The following CALN1 variants were observed in gnomAD, a reference collection of about 807,000 sequenced individuals.
The protein encoded by CALN1 is calcium-binding protein 8.
CALN1 carries 17 observed loss-of-function variants against 30.6 expected under a neutral mutation model. That is an observed-to-expected ratio of 0.56 (90% CI 0.38 to 0.83). CALN1 has a LOEUF of 0.83. Ranked by LOEUF, CALN1 falls within the 40% of genes least tolerant of loss-of-function variation. The pLI is 0.00. For missense variants in CALN1, 291 were observed against 354.9 expected (o/e 0.82, Z 1.45); for synonymous variants, 156 against 131.4 (o/e 1.19, Z -1.28).
intron 5 of CALN1, among the ~76,000 whole-genome samples, chr7:71,892,886 T>C (rs1793325200): frequency 6.6e-6 from 1 of 152,106 alleles, no homozygotes; most frequent in South Asian, 2.1e-4. Context: ...GAGAACCACG[T>C]CATTTTTTTT....
chr7:71,873,873 C>T (rs1562861670), intron 5 of CALN1, among the ~76,000 whole-genome samples: 2 of 152,214 alleles, frequency 1.3e-5, no homozygotes, highest in Non-Finnish European at 2.9e-5. Context: ...CTGTTGCAAA[C>T]CAAATGAGGA....
chr7:71,875,023 A>C (rs1792158743), intron 5 of CALN1, among the ~76,000 whole-genome samples: 5 of 151,850 alleles, frequency 3.3e-5, no homozygotes, highest in Admixed American at 3.3e-4. Context: ...AAATTAGCTG[A>C]GTGTGGGGGT....
the CALN1 span, among the ~76,000 whole-genome samples, chr7:72,492,417 T>A: frequency 6.6e-6 from 1 of 152,226 alleles, no homozygotes; most frequent in Non-Finnish European, 1.5e-5. Flanking sequence ...TTTTGTTTTG[T>A]CCCACATTGC....
intron 2 of CALN1, among the ~76,000 whole-genome samples, chr7:72,373,610 A>G (rs1160416161): frequency 6.6e-6 from 1 of 152,326 alleles, no homozygotes; most frequent in African/African-American, 2.4e-5. Flanking sequence ...TTTTCTGAAG[A>G]TATTTTAGGT....
At chr7:72,268,716 C>T (rs1259475326) in intron 3 of CALN1, among the ~76,000 whole-genome samples, 5 of 151,586 alleles carry the variant, frequency 3.3e-5, no homozygotes, top group Non-Finnish European at 5.9e-5. Context: ...AGAATCACTT[C>T]AGCCCAGAAG....
chr7:71,856,672 T>A (rs527290382), intron 5 of CALN1, among the ~76,000 whole-genome samples: 2 of 152,268 alleles, frequency 1.3e-5, no homozygotes, highest in South Asian at 4.1e-4. Flanking sequence ...AAATAATAAC[T>A]GGCCGGGTGT....
chr7:72,487,734 AAAGG>A, the CALN1 span, among the ~76,000 whole-genome samples: 1,072 of 56,610 alleles, frequency 0.019, 41 homozygotes, highest in Middle Eastern at 0.035. Flanking sequence ...AGAAAGAAAG[AAAGG>A]AAGGAAGGAA....
At chr7:72,312,556 AC>A (rs1322668741) in intron 2 of CALN1, among the ~76,000 whole-genome samples, 13 of 152,130 alleles carry the variant, frequency 8.5e-5, no homozygotes, top group African/African-American at 3.1e-4. Flanking sequence ...AGCCATGTAT[AC>A]CTAGAGATCC....
the CALN1 span, among the ~76,000 whole-genome samples, chr7:72,457,650 G>C: frequency 1.8e-4 from 28 of 151,912 alleles, no homozygotes; most frequent in Non-Finnish European, 2.9e-4. Flanking sequence ...CTATTTCCCT[G>C]AAACAGTCAC....
intron 5 of CALN1, among the ~76,000 whole-genome samples, chr7:72,012,685 G>A (rs978476990): frequency 1.3e-5 from 2 of 152,208 alleles, no homozygotes; most frequent in African/African-American, 4.8e-5. Flanking sequence ...AGCCTCTGCA[G>A]CAGAGGGTCA....
chr7:72,100,249 C>G (rs1339564261), intron 4 of CALN1, among the ~76,000 whole-genome samples: 1 of 151,866 alleles, frequency 6.6e-6, no homozygotes, highest in East Asian at 1.9e-4. Context: ...GTCTTGAACT[C>G]CTAAGCTCCA....
chr7:71,969,728 A>G (rs1797703152), intron 5 of CALN1, among the ~76,000 whole-genome samples: 1 of 152,170 alleles, frequency 6.6e-6, no homozygotes, highest in Non-Finnish European at 1.5e-5. Flanking sequence ...GCTTTCTTTA[A>G]ATATTTTATG....
intron 5 of CALN1, among the ~76,000 whole-genome samples, chr7:71,994,164 T>A (rs1017720875): frequency 4.6e-5 from 7 of 152,148 alleles, no homozygotes; most frequent in African/African-American, 1.7e-4. Context: ...ACAATTCAGA[T>A]GTAAGAAATT....
intron 2 of CALN1, among the ~76,000 whole-genome samples, chr7:72,369,359 T>TTGTTGTTGTTGTTG (rs1554390884): frequency 5.5e-5 from 8 of 146,714 alleles, no homozygotes; most frequent in Middle Eastern, 3.3e-3. Flanking sequence ...TATTTATTTT[T>TTGTTGTTGTTGTTG]TTGTTGTTGT....
intron 2 of CALN1, among the ~76,000 whole-genome samples, chr7:72,397,866 C>T (rs1396078578): frequency 4.6e-5 from 7 of 152,164 alleles, no homozygotes; most frequent in Non-Finnish European, 1.5e-5. Context: ...ATGCCTAGCC[C>T]TTCCATTATA....
At chr7:72,124,079 T>C (rs1173048933) in intron 3 of CALN1, among the ~76,000 whole-genome samples, 1 of 152,126 alleles carries the variant, frequency 6.6e-6, no homozygotes, top group African/African-American at 2.4e-5. Flanking sequence ...GGCCAACTAT[T>C]TCAGAACACA....
intron 3 of CALN1, among the ~76,000 whole-genome samples, chr7:72,266,576 T>TC (rs1404455872): frequency 6.6e-6 from 1 of 152,232 alleles, no homozygotes; most frequent in Non-Finnish European, 1.5e-5. Context: ...ATTTCTATTT[T>TC]CTATTTCTAT....
At chr7:72,492,630 G>A in the CALN1 span, among the ~76,000 whole-genome samples, 8 of 152,236 alleles carry the variant, frequency 5.3e-5, no homozygotes. Context: ...GGGGCACCAT[G>A]CCAACCGCTG....
rs1299090148 is a variant in CALN1 at position 71,784,773 on chromosome 7, C to T, written c.*3002G>A. 1 of 398,462 alleles carries T rather than the reference C, an allele frequency of 2.5e-6. No homozygotes were observed. The highest frequency in any genetic ancestry group is 2.1e-5 in the African/African-American group (1 of 48,612). 24.7% of individuals were successfully genotyped at this position (398,462 alleles called of 1,614,324 possible). On this transcript the variant is annotated 3_prime_UTR_variant, in exon 7 of 7. Coordinates refer to ENST00000395275, the MANE Select transcript of CALN1 (RefSeq NM_031468.4). ...AGGACAGAATGAGGGGTGAGCTATT[C>T]CCTCTCAATTCCTGCGGAAGTCACT...
Sources: gnomAD v4.1 joint callset for allele counts (sites outside exome capture counted in the v4.1 genomes callset) on GRCh38, gnomAD v4.1.1 for gene constraint, MANE v1.5 for transcripts, NCBI Gene and HGNC (gene_info 2026-07-23, HGNC 2026-07-21) for gene names.